Variants in COL25A1 observed in about 807,000 individuals in gnomAD.
The protein encoded by COL25A1 is collagen type XXV alpha 1 chain.
In COL25A1, 103 loss-of-function variants were observed where a neutral mutation model predicts 128.4. The observed-to-expected ratio is 0.80, with a 90% CI of 0.68 to 0.94. The LOEUF is 0.94. Ranked by LOEUF, COL25A1 falls within the 40% of genes least tolerant of loss-of-function variation. The pLI, the probability that COL25A1 is intolerant of heterozygous loss-of-function variation, is 0.00. For missense variants in COL25A1, 745 were observed against 840.0 expected, an observed-to-expected ratio of 0.89 and a Z score of 1.40; for synonymous variants, 279 against 277.2, an observed-to-expected ratio of 1.01 and a Z score of -0.06.
intron 5 of COL25A1, among the ~76,000 whole-genome samples, chr4:109,028,985 G>A (rs528567281): frequency 6.6e-6 from 1 of 152,268 alleles, no homozygotes; most frequent in South Asian, 2.1e-4. Flanking sequence ...CAGTGGTAGA[G>A]ATGGAGGCCA....
intron 31 of COL25A1, among the ~76,000 whole-genome samples, chr4:108,835,972 T>A (rs1034395660): frequency 1.5e-5 from 2 of 137,828 alleles, no homozygotes. Flanking sequence ...CTCGGGTTTA[T>A]GCCATTCTCC....
chr4:108,888,356 A>G (rs1429508113), intron 18 of COL25A1, among the ~76,000 whole-genome samples: 14 of 152,258 alleles, frequency 9.2e-5, no homozygotes, highest in Middle Eastern at 3.4e-3. Flanking sequence ...TTTTCTATTC[A>G]TATGTTTATC....
intron 10 of COL25A1, 44 bp from the exon 11 acceptor site, chr4:108,937,887 T>TAA (rs111796687): frequency 3.1e-5 from 46 of 1,466,384 alleles, no homozygotes; most frequent in African/African-American, 1.6e-4. Context: ...TGTAAGTATT[T>TAA]AAAAAAAAAC....
intron 3 of COL25A1, among the ~76,000 whole-genome samples, chr4:109,061,089 C>T (rs1761927719): frequency 6.6e-6 from 1 of 152,208 alleles, no homozygotes; most frequent in South Asian, 2.1e-4. Flanking sequence ...ACAAGGTTTT[C>T]TCCTATCTAA....
At chr4:109,243,020 T>C (rs1780005350) in intron 3 of COL25A1, among the ~76,000 whole-genome samples, 1 of 152,140 alleles carries the variant, frequency 6.6e-6, no homozygotes, top group Non-Finnish European at 1.5e-5. Flanking sequence ...TCATCCTACA[T>C]ATCTGCAACT....
intron 2 of COL25A1, 123 bp downstream of exon 2, chr4:109,301,600 A>G (rs1578678309): frequency 3.8e-6 from 4 of 1,061,488 alleles, no homozygotes; most frequent in Non-Finnish European, 5.5e-6. Flanking sequence ...CAACACATGC[A>G]CGCGCGCGCA....
chr4:109,226,049 TAAA>T (rs1300682242), intron 3 of COL25A1, among the ~76,000 whole-genome samples: 1 of 151,198 alleles, frequency 6.6e-6, no homozygotes, highest in Non-Finnish European at 1.5e-5. Context: ...TATTCAGCCA[TAAA>T]AAAGAATGAA....
intron 13 of COL25A1, among the ~76,000 whole-genome samples, chr4:108,912,210 GAA>G (rs1193795544): frequency 6.6e-6 from 1 of 152,112 alleles, no homozygotes; most frequent in Admixed American, 6.5e-5. Flanking sequence ...AGGAATGGAT[GAA>G]GTTATTTGAC....
intron 8 of COL25A1, among the ~76,000 whole-genome samples, chr4:108,948,756 G>C (rs1015720051): frequency 9.2e-5 from 14 of 152,092 alleles, no homozygotes; most frequent in African/African-American, 3.4e-4. Flanking sequence ...GGAAGAGAAA[G>C]AAAACAATGC....
At chr4:108,954,704 AG>A (rs1420571520) in intron 8 of COL25A1, among the ~76,000 whole-genome samples, 1 of 151,358 alleles carries the variant, frequency 6.6e-6, no homozygotes, top group African/African-American at 2.4e-5. Flanking sequence ...TAGAAAAAAA[AG>A]ATTTTCTCTT....
At chr4:109,039,901 T>G (rs1297509628) in intron 5 of COL25A1, among the ~76,000 whole-genome samples, 1 of 152,144 alleles carries the variant, frequency 6.6e-6, no homozygotes, top group African/African-American at 2.4e-5. Context: ...AATACCTTCC[T>G]TCAAAATTAA....
chr4:108,852,844 C>T, intron 25 of COL25A1, 58 bp downstream of exon 25: 3 of 1,405,570 alleles, frequency 2.1e-6, no homozygotes, highest in South Asian at 1.2e-5. Context: ...TTTTGGCTGG[C>T]ATGCATCAAC....
chr4:108,816,968 C>A (rs1449543902), intron 37 of COL25A1, among the ~76,000 whole-genome samples: 7 of 152,144 alleles, frequency 4.6e-5, no homozygotes, highest in Admixed American at 4.6e-4. Context: ...CATCATTAAA[C>A]AAATGATGCT....
At chr4:109,140,531 C>T (rs968234694) in intron 3 of COL25A1, among the ~76,000 whole-genome samples, 2 of 152,104 alleles carry the variant, frequency 1.3e-5, no homozygotes, top group South Asian at 2.1e-4. Flanking sequence ...GGCAGTATGG[C>T]CATTTTCATG....
intron 11 of COL25A1, among the ~76,000 whole-genome samples, chr4:108,926,891 A>G (rs934548794): frequency 2.0e-5 from 3 of 152,050 alleles, no homozygotes; most frequent in African/African-American, 7.2e-5. Context: ...GGAAATGCCA[A>G]CTAGAAACTG....
At chr4:108,956,581 T>C (rs1181121503) in intron 8 of COL25A1, among the ~76,000 whole-genome samples, 1 of 152,182 alleles carries the variant, frequency 6.6e-6, no homozygotes, top group Non-Finnish European at 1.5e-5. Flanking sequence ...AATTTTTGTA[T>C]TTTTAGTAGA....
At chr4:109,013,185 G>A (rs900525734) in intron 5 of COL25A1, among the ~76,000 whole-genome samples, 40 of 152,124 alleles carry the variant, frequency 2.6e-4, no homozygotes, top group African/African-American at 5.8e-4. Flanking sequence ...GTTTGTAAAC[G>A]CACCAATCAG....
In COL25A1 at chr4:109,210,619, G is replaced by T. The variant is rs796280462; in HGVS notation, c.367+89964C>A. Among the ~76,000 whole-genome samples, 51 of 152,168 alleles carry T rather than the reference G, an allele frequency of 3.4e-4. 1 individual carries two copies. The highest frequency in any genetic ancestry group is 1.2e-3 in the African/African-American group (49 of 41,510). ...CATGGCTGAAAAATCATACAATCGT[G>T]ACCTTTTTGATAACTCTTATGTAAT... On this transcript the variant is annotated intron_variant, in intron 3 of 37. Coordinates refer to ENST00000399132, the MANE Select transcript of COL25A1 (RefSeq NM_198721.4).
intron 13 of COL25A1, among the ~76,000 whole-genome samples, chr4:108,914,331 C>T (rs1455946010): frequency 6.6e-6 from 1 of 152,150 alleles, no homozygotes; most frequent in African/African-American, 2.4e-5. Flanking sequence ...AAAAGGGATC[C>T]TTCAAAGGCT....
Sources: allele counts gnomAD v4.1 joint callset (sites outside exome capture counted in the v4.1 genomes callset), GRCh38; gene constraint gnomAD v4.1.1; transcripts MANE v1.5; gene names NCBI Gene and HGNC (gene_info 2026-07-23, HGNC 2026-07-21).